The following ATP11A variants were observed in gnomAD, a reference collection of about 807,000 sequenced individuals.
The protein encoded by ATP11A is phospholipid-transporting ATPase IH.
ATP11A carries 81 observed loss-of-function variants against 154.4 expected under a neutral mutation model. The observed-to-expected ratio is 0.52, with a 90% confidence interval of 0.44 to 0.63. The LOEUF (loss-of-function observed/expected upper bound fraction) is 0.63, where lower values mean the gene tolerates loss of function less well. Among genes scored for constraint, ATP11A ranks in the 30% least tolerant of loss-of-function variants. ATP11A has a pLI of 0.00. For synonymous variants in ATP11A, 623 were observed against 585.9 expected (o/e 1.06, Z -0.91); for missense variants, 1,316 against 1,474.3 (o/e 0.89, Z 1.76).
At chr13:112,832,336 G>A (rs1351363447) in intron 13 of ATP11A, among the ~76,000 whole-genome samples, 2 of 152,236 alleles carry the variant, frequency 1.3e-5, no homozygotes, top group East Asian at 1.9e-4. Flanking sequence ...TGCAGCTGCA[G>A]GCGCAGGATA....
At chr13:112,775,105 G>A (rs1355380980) in intron 1 of ATP11A, among the ~76,000 whole-genome samples, 3 of 152,274 alleles carry the variant, frequency 2.0e-5, no homozygotes, top group Non-Finnish European at 2.9e-5. Flanking sequence ...CACTGGCTTA[G>A]AGAGCTAACA....
chr13:112,770,132 A>G (rs956371591), intron 1 of ATP11A, among the ~76,000 whole-genome samples: 1 of 152,088 alleles, frequency 6.6e-6, no homozygotes, highest in Non-Finnish European at 1.5e-5. Context: ...GTTTCTTCCC[A>G]CTGTTGTGAA....
intron 17 of ATP11A, among the ~76,000 whole-genome samples, chr13:112,846,053 A>T (rs2079598674): frequency 6.6e-6 from 1 of 151,048 alleles, no homozygotes; most frequent in South Asian, 2.1e-4. Context: ...TCTCCTGGGG[A>T]CCCTCCTGTC....
At chr13:112,730,161 G>A (rs1371005953) in intron 1 of ATP11A, among the ~76,000 whole-genome samples, 1 of 152,180 alleles carries the variant, frequency 6.6e-6, no homozygotes. Context: ...GGGAGCCGTG[G>A]GGCTGGTGAC....
At chr13:112,842,937 G>T (rs1327185360) in intron 17 of ATP11A, among the ~76,000 whole-genome samples, 3 of 152,254 alleles carry the variant, frequency 2.0e-5, no homozygotes, top group African/African-American at 4.8e-5. Context: ...GGCTGCTGCG[G>T]TAGGGGGCCG....
At chr13:112,810,573 C>G in intron 4 of ATP11A, 46 bp from the exon 5 acceptor site, 1 of 1,501,552 alleles carries the variant, frequency 6.7e-7, no homozygotes. Flanking sequence ...CTCCTCCTTC[C>G]CTCTCTCCCT....
intron 14 of ATP11A, 90 bp from the exon 15 acceptor site, chr13:112,834,499 G>C: frequency 1.2e-6 from 1 of 817,528 alleles, no homozygotes; most frequent in Non-Finnish European, 2.1e-6. Flanking sequence ...TTTTTGAAAA[G>C]AACGCTTTAC....
chr13:112,776,809 C>T (rs2077360127), intron 1 of ATP11A, among the ~76,000 whole-genome samples: 1 of 152,130 alleles, frequency 6.6e-6, no homozygotes, highest in East Asian at 1.9e-4. Flanking sequence ...ATTGGCCAGG[C>T]TGGTTTCAAA....
rs1566543891 is a variant in ATP11A at position 112,831,559 on chromosome 13, G to T, written c.1395+11G>T. 1 of 1,612,386 alleles carries T rather than the reference G, an allele frequency of 6.2e-7. No individual in the cohort carries two copies. Among genetic ancestry groups the T allele is most frequent in the East Asian group, 2.2e-5 (1 of 44,862 alleles). On this transcript the variant is annotated intron_variant, in intron 13 of 29. Transcript: ENST00000375645. ...AGCGTCAACGGGAGGGTAGGTGGCA[G>T]CCCCCACGCCGTCCAAGTGTGTGAG...
At chr13:112,734,589 A>G (rs1279302554) in intron 1 of ATP11A, among the ~76,000 whole-genome samples, 1 of 152,196 alleles carries the variant, frequency 6.6e-6, no homozygotes, top group Admixed American at 6.5e-5. Context: ...CAAAAAATAA[A>G]TATCAGTGAC....
intron 5 of ATP11A, chr13:112,811,692 G>C (rs950680169): frequency 6.6e-6 from 1 of 151,994 alleles, no homozygotes. Context: ...TGCAACCTCC[G>C]CCCCCGGGTT....
At chr13:112,695,689 T>A (rs2139456165) in intron 1 of ATP11A, among the ~76,000 whole-genome samples, 1 of 152,328 alleles carries the variant, frequency 6.6e-6, no homozygotes, top group Admixed American at 6.5e-5. Context: ...TGAATAAAAA[T>A]ACATAGTTGC....
rs2080942196 is a variant in ATP11A, at chr13:112,884,453, T to G, written c.*2587T>G. On this transcript the variant is annotated 3_prime_UTR_variant, in exon 30 of 30. Transcript: ENST00000375645. ...CACTCCCAAACGTCTTTTTAAAAAT[T>G]GCTTGGGAAATTATTAAATGAATGT... is the stretch of plus-strand genomic sequence containing the variant. 6.6e-6 allele frequency: 1 copy of G among 152,384 alleles called. No individual in the cohort carries two copies. Among genetic ancestry groups the G allele is most frequent in the Non-Finnish European group, 1.5e-5 (1 of 68,046 alleles). The allele number at this position is 152,384 out of a possible 1,614,324, so 9.4% of individuals were successfully genotyped here. A position where few individuals can be genotyped will look rare whatever the true frequency, so the allele number is the denominator to read the frequency against.
intron 1 of ATP11A, chr13:112,703,202 G>A (rs555758395): frequency 6.6e-6 from 1 of 152,356 alleles, no homozygotes; most frequent in East Asian, 1.9e-4. Flanking sequence ...TGTCTGCATG[G>A]TGAGGTCTGG....
At chr13:112,803,492 G>A (rs543559145) in intron 2 of ATP11A, among the ~76,000 whole-genome samples, 8 of 152,300 alleles carry the variant, frequency 5.3e-5, no homozygotes, top group Admixed American at 3.9e-4. Flanking sequence ...CCTTCTTCAG[G>A]TTTCGGTAGA....
chr13:112,779,383 T>TGAGTAGCCGCTGGAGTGAG (rs2077442722), intron 1 of ATP11A, among the ~76,000 whole-genome samples: 1 of 75,340 alleles, frequency 1.3e-5, no homozygotes, highest in Admixed American at 1.3e-4. Context: ...GCCGCTGGAG[T>TGAGTAGCCGCTGGAGTGAG]GAGTAGCCGC....
intron 1 of ATP11A, among the ~76,000 whole-genome samples, chr13:112,773,273 A>G (rs1163287837): frequency 6.6e-6 from 1 of 152,074 alleles, no homozygotes; most frequent in East Asian, 1.9e-4. Flanking sequence ...TAAACCGCTT[A>G]GTGGTGGCCT....
rs113585473 is a variant in ATP11A at position 112,762,211 on chromosome 13, G to A, written c.40-22924G>A. ...TCCTCCTCCTCTGCCCCAGCTCAGGGTGGGCTTCTGGGCCGGGTCCTGCTG... is the reference window on the plus strand; with the variant it reads ...TCCTCCTCCTCTGCCCCAGCTCAGGATGGGCTTCTGGGCCGGGTCCTGCTG... On this transcript the variant is annotated intron_variant, in intron 1 of 29. Coordinates refer to ENST00000375645, the MANE Select transcript of ATP11A (RefSeq NM_015205.3). Among the ~76,000 whole-genome samples, 155 of 152,306 alleles carry A rather than the reference G, an allele frequency of 1.0e-3. 2 individuals are homozygous for A. The highest frequency in any genetic ancestry group is 3.4e-3 in the African/African-American group (140 of 41,566).
At chr13:112,825,276 T>A (rs986129438) in intron 10 of ATP11A, among the ~76,000 whole-genome samples, 154 bp from the exon 11 acceptor site, 1 of 152,146 alleles carries the variant, frequency 6.6e-6, no homozygotes, top group African/African-American at 2.4e-5. Context: ...TGGACGCAAG[T>A]GCAGAGGACC....
Sources: allele counts gnomAD v4.1 joint callset (sites outside exome capture counted in the v4.1 genomes callset), GRCh38; gene constraint gnomAD v4.1.1; transcripts MANE v1.5; gene names NCBI Gene and HGNC (gene_info 2026-07-23, HGNC 2026-07-21).